ERAL1: variants seen among roughly 807,000 people sequenced by gnomAD.
ERAL1 encodes Era like 12S mitochondrial rRNA chaperone 1.
Under a neutral mutation model 53.6 loss-of-function variants are expected in ERAL1, and 36 were observed. The ratio of observed to expected loss-of-function variants is 0.67; its 90% CI spans 0.51 to 0.89. ERAL1 has a LOEUF of 0.89. Among genes scored for constraint, ERAL1 ranks in the 40% least tolerant of loss-of-function variants. ERAL1 has a pLI of 0.00. For synonymous variants in ERAL1, 215 were observed against 211.8 expected (o/e 1.02, Z -0.13); for missense variants, 512 against 537.5 (o/e 0.95, Z 0.47).
chr17:28,858,268 G>A (rs1261430374), intron 5 of ERAL1, 61 bp downstream of exon 5: 1 of 1,609,646 alleles, frequency 6.2e-7, no homozygotes, highest in Non-Finnish European at 8.5e-7. Context: ...TTCATTCCTT[G>A]GTAGTTTGGG....
In ERAL1 at chr17:28,858,133, G is replaced by A. The variant is rs2039264008; in HGVS notation, c.537-13G>A. 1 of 1,613,968 alleles carries A rather than the reference G, an allele frequency of 6.2e-7. No individual in the cohort carries two copies. On this transcript the variant is annotated splice_polypyrimidine_tract_variant and intron_variant, in intron 4 of 9. Coordinates refer to ENST00000254928, the MANE Select transcript of ERAL1 (RefSeq NM_005702.4). Reference sequence around the variant, plus strand: ...ATAAGACCTTTCCTGACTGATGTATGTCTGTCCCTCAGGCATCACCTGGAG... The same window carrying A: ...ATAAGACCTTTCCTGACTGATGTATATCTGTCCCTCAGGCATCACCTGGAG...
rs756658115 is a variant in ERAL1 at position 28,859,232 on chromosome 17, T to C, written c.1140T>C (p.Gly380=). Residue 380 remains glycine, a synonymous_variant, in exon 9 of 10, where the codon GGT becomes GGC. Transcript: ENST00000254928. The stretch of plus-strand genomic sequence containing the variant: ...CAGCAGTGTGGGAGGAAGGACCAGG[T>C]GGGGAGCTGGTTATCCAACAGAAGC... The part of the protein sequence containing the change: ...QKTAVWEEGP[G]GELVIQQKLL... 1.2e-6 allele frequency: 2 copies of C among 1,614,010 alleles called. No individual in the cohort carries two copies. Among genetic ancestry groups the C allele is most frequent in the South Asian group, 2.2e-5 (2 of 91,086 alleles).
chr17:28,858,510 G>A (rs375611257), intron 6 of ERAL1, 24 bp downstream of exon 6: 11 of 1,613,972 alleles, frequency 6.8e-6, no homozygotes, highest in Non-Finnish European at 9.3e-6. Flanking sequence ...ACCTGAGGAA[G>A]GGGTCTACTT....
intron 3 of ERAL1, among the ~76,000 whole-genome samples, chr17:28,856,905 G>A (rs1306596405): frequency 1.3e-5 from 2 of 151,014 alleles, no homozygotes; most frequent in Non-Finnish European, 2.9e-5. Flanking sequence ...TAGAGATGGG[G>A]TCTCACTGTG....
rs556313204 is a variant in ERAL1, at chr17:28,855,119, C to G, written c.85C>G (p.Arg29Gly). Residue 29 changes from arginine (R) to glycine (G), a missense_variant, in exon 1 of 10, where the codon CGG (arginine) becomes GGG (glycine). Coordinates refer to ENST00000254928, the MANE Select transcript of ERAL1 (RefSeq NM_005702.4). ...WQVGPHVARE[R>G]VIPFSSLLGF... is the part of the protein sequence containing the mutation. ...GGTGGGCCCTCATGTCGCGAGGGAG[C>G]GGGTGATCCCTTTTTCCTCACTCTT... 6.2e-7 allele frequency: 1 copy of G among 1,614,212 alleles called. No homozygotes were observed.
intron 7 of ERAL1, 54 bp downstream of exon 7, chr17:28,858,878 C>A: frequency 6.2e-7 from 1 of 1,612,064 alleles, no homozygotes. Flanking sequence ...ATGAAGACAG[C>A]CCTCAAATTT....
intron 5 of ERAL1, 41 bp from the exon 6 acceptor site, chr17:28,858,333 G>T: frequency 1.2e-6 from 2 of 1,608,646 alleles, no homozygotes; most frequent in South Asian, 1.1e-5. Context: ...GAGGAAGAGT[G>T]ACCATTTCCT....
rs368966727 is a variant in ERAL1 at position 28,858,589 on chromosome 17, A to C, written c.725A>C (p.Lys242Thr). The C allele has an allele frequency of 6.2e-7, 1 of 1,614,160 alleles. No individual in the cohort carries two copies. Among genetic ancestry groups the C allele is most frequent in the African/African-American group, 1.3e-5 (1 of 75,028 alleles). The change falls in exon 7 of 10, where the codon AAG becomes ACG. Residue 242 changes from lysine (K) to threonine (T), a missense_variant. Lys to Thr is a moderately conservative substitution (Grantham distance 78). Coordinates refer to ENST00000254928, the MANE Select transcript of ERAL1 (RefSeq NM_005702.4). ...CCCCATGTCCAGGTAGATTGTTTGA[A>C]GCAGAAGTCAGTTCTCCTGGAGCTC... Reference protein sequence around the residue: ...VLVMNKVDCLKQKSVLLELTA... With the variant: ...VLVMNKVDCLTQKSVLLELTA...
Position 28,856,346 on chromosome 17 carries a change from G to A in ERAL1, c.366G>A (p.Pro122=). 9 of 1,614,098 alleles carry A rather than the reference G, an allele frequency of 5.6e-6. No individual in the cohort carries two copies. Among genetic ancestry groups the A allele is most frequent in the Non-Finnish European group, 6.8e-6 (8 of 1,180,006 alleles). ...RVLRVVLLGA[P]NAGKSTLSNQ... The stretch of plus-strand genomic sequence containing the variant: ...TACGAGTGGTCCTCCTGGGAGCCCC[G>A]AATGCAGGGAAGTCAACACTCTCCA... The change falls in exon 2 of 10, where the codon CCG becomes CCA. Residue 122 remains proline (P), a synonymous_variant. Coordinates refer to ENST00000254928, the MANE Select transcript of ERAL1 (RefSeq NM_005702.4).
In ERAL1 at chr17:28,858,762, C is replaced by T. The variant is rs764852414; in HGVS notation, c.898C>T (p.Pro300Ser). 5 of 1,614,114 alleles carry T rather than the reference C, an allele frequency of 3.1e-6. No individual in the cohort carries two copies. The highest frequency in any genetic ancestry group is 4.2e-6 in the Non-Finnish European group (5 of 1,180,044). Residue 300 changes from proline (P) to serine (S), a missense_variant, in exon 7 of 10, where the codon CCC becomes TCC. Transcript: ENST00000254928. ...GGGAAATCCTCAGAGGATTGGCTGGCCCCACTTCAAGGAGATCTTCATGTT... is the reference window on the plus strand; with the variant it reads ...GGGAAATCCTCAGAGGATTGGCTGGTCCCACTTCAAGGAGATCTTCATGTT... The part of the protein sequence containing the change: ...SVGNPQRIGW[P>S]HFKEIFMLSA...
rs954603749 is a variant in ERAL1 at position 28,858,378 on chromosome 17, G to A, written c.603G>A (p.Val201=). Residue 201 remains valine, a synonymous_variant, in exon 6 of 10, where the codon GTG becomes GTA. Coordinates refer to ENST00000254928, the MANE Select transcript of ERAL1 (RefSeq NM_005702.4). The stretch of plus-strand genomic sequence containing the variant: ...TCCTGCCTTGCCATCTTCTAGTTGT[G>A]GTTCTTGTGGATGTCTCAGACAAGT... ...WKSMESADLV[V]VLVDVSDKWT... 6.2e-7 allele frequency: 1 copy of A among 1,614,026 alleles called. No individual in the cohort carries two copies. The highest frequency in any genetic ancestry group is 1.7e-5 in the Admixed American group (1 of 59,978).
chr17:28,858,940 C>T (rs767529868), intron 7 of ERAL1, 24 bp from the exon 8 acceptor site: 1 of 1,613,652 alleles, frequency 6.2e-7, no homozygotes, highest in Middle Eastern at 1.6e-4. Context: ...TTAAGATGCC[C>T]ATCTATTCCC....
chr17:28,860,981 G>A lies in ERAL1; in HGVS notation c.*428G>A. 1 of 181,856 alleles carries A rather than the reference G, an allele frequency of 5.5e-6. No individual in the cohort carries two copies. The highest frequency in any genetic ancestry group is 1.1e-5 in the Non-Finnish European group (1 of 88,434). 11.3% of individuals were successfully genotyped at this position (181,856 alleles called of 1,614,324 possible). A position where few individuals can be genotyped will look rare whatever the true frequency, so the allele number is the denominator to read the frequency against. ...CTGAGTGAGGTAGCGCCTCCCATCT[G>A]CTCCCCAATTCTTGATCTCTCCCAC... On this transcript the variant is annotated 3_prime_UTR_variant, in exon 10 of 10. Coordinates refer to ENST00000254928, the MANE Select transcript of ERAL1 (RefSeq NM_005702.4).
At position 28,856,373 on chromosome 17, in the gene ERAL1, C is replaced by A. The variant is rs532133607; in HGVS notation, c.393C>A (p.Asn131Lys). 1 of 1,614,108 alleles carries A rather than the reference C, an allele frequency of 6.2e-7. No individual in the cohort carries two copies. The highest frequency in any genetic ancestry group is 1.1e-5 in the South Asian group (1 of 91,088). ...APNAGKSTLS[N>K]QLLGRKVFPV... ...ATGCAGGGAAGTCAACACTCTCCAA[C>A]CAGCTACTGGGCCGAAAGGTATGCT... The change falls in exon 2 of 10, where the codon AAC (asparagine) becomes AAA (lysine). Residue 131 changes from asparagine (N) to lysine (K), a missense_variant. By Grantham distance (94) the Asn-to-Lys change is moderately conservative. Transcript: ENST00000254928.
At position 28,860,578 on chromosome 17, in the gene ERAL1, G is replaced by C; in HGVS notation, c.*25G>C. 1.3e-6 allele frequency: 2 copies of C among 1,569,430 alleles called. No homozygotes were observed. The highest frequency in any genetic ancestry group is 1.7e-6 in the Non-Finnish European group (2 of 1,162,164). On this transcript the variant is annotated 3_prime_UTR_variant, in exon 10 of 10. Transcript: ENST00000254928. Reference sequence around the variant, plus strand: ...ACCACCCTCTACTGACCCTCCCAGGGCATTCCAGCTCAAGCTGCTGGCAGG... The same window carrying C: ...ACCACCCTCTACTGACCCTCCCAGGCCATTCCAGCTCAAGCTGCTGGCAGG...
rs764227625 is a variant in ERAL1 at position 28,855,288 on chromosome 17, C to T, written c.254C>T (p.Pro85Leu). Residue 85 changes from proline to leucine, a missense_variant, in exon 1 of 10, where the codon CCT (proline) becomes CTT (leucine). Coordinates refer to ENST00000254928, the MANE Select transcript of ERAL1 (RefSeq NM_005702.4). ...TCTCAGCCCGACAGTTCGGTGACTC[C>T]TTGCGTCCCCGCGGTGTCCATGAAC... ...GFSQPDSSVT[P>L]CVPAVSMNRD... The T allele has an allele frequency of 1.0e-5, 16 of 1,606,056 alleles. No individual in the cohort carries two copies. In the South Asian group the frequency reaches 1.4e-4, roughly 14 times the overall value.
Position 28,860,531 on chromosome 17 carries a change from T to C in ERAL1, c.1292T>C (p.Leu431Pro). The C allele has an allele frequency of 6.2e-7, 1 of 1,603,404 alleles. No individual in the cohort carries two copies. The highest frequency in any genetic ancestry group is 8.5e-7 in the Non-Finnish European group (1 of 1,175,676). ...TTCCTCTGCGATGTTGACATCCGCC[T>C]CTCTGTGAAGCTCCTCAAGTGACCA... Reference protein sequence around the residue: ...DIFLCDVDIRLSVKLLK With the variant: ...DIFLCDVDIRPSVKLLK The change falls in exon 10 of 10, where the codon CTC (leucine) becomes CCC (proline). Residue 431 changes from leucine (L) to proline (P), a missense_variant. Coordinates refer to ENST00000254928, the MANE Select transcript of ERAL1 (RefSeq NM_005702.4).
chr17:28,859,029 G>C lies in ERAL1; in HGVS notation c.1026G>C (p.Gln342His), dbSNP rs1213268008. 1.2e-6 allele frequency: 2 copies of C among 1,614,082 alleles called. No homozygotes were observed. Among genetic ancestry groups the C allele is most frequent in the East Asian group, 2.2e-5 (1 of 44,894 alleles). The change falls in exon 8 of 10, where the codon CAG becomes CAC. Residue 342 changes from glutamine to histidine, a missense_variant. Physicochemically the swap from Gln to His is conservative, Grantham distance 24. Coordinates refer to ENST00000254928, the MANE Select transcript of ERAL1 (RefSeq NM_005702.4). Reference sequence around the variant, plus strand: ...ACCACAGTGCAGTCCTCACTAGCCAGACACCAGAAGAGATCTGTGCCAACA... The same window carrying C: ...ACCACAGTGCAGTCCTCACTAGCCACACACCAGAAGAGATCTGTGCCAACA... The part of the protein sequence containing the change: ...WEYHSAVLTS[Q>H]TPEEICANII...
intron 3 of ERAL1, 59 bp from the exon 4 acceptor site, chr17:28,857,880 G>A (rs1442585517): frequency 6.3e-7 from 1 of 1,588,174 alleles, no homozygotes; most frequent in Admixed American, 1.7e-5. Context: ...GCCTCTCTCT[G>A]ACTTCCCAGT....
Sources: gnomAD v4.1 joint callset for allele counts (sites outside exome capture counted in the v4.1 genomes callset) on GRCh38, gnomAD v4.1.1 for gene constraint, MANE v1.5 for transcripts, NCBI Gene and HGNC (gene_info 2026-07-23, HGNC 2026-07-21) for gene names.